GAD2: variants seen among roughly 807,000 people sequenced by gnomAD.
GAD2 encodes the protein glutamate decarboxylase 2.
Under a neutral mutation model 80.1 loss-of-function variants are expected in GAD2, and 22 were observed. That is an observed-to-expected ratio of 0.27 (90% CI 0.20 to 0.39). GAD2 has a LOEUF of 0.39. Among genes scored for constraint, GAD2 ranks in the 10% least tolerant of loss-of-function variants. The pLI, the probability that GAD2 is intolerant of heterozygous loss-of-function variation, is 1.00. For missense variants in GAD2, 624 were observed against 738.4 expected, an observed-to-expected ratio of 0.85 and a Z score of 1.80; for synonymous variants, 274 against 256.9, an observed-to-expected ratio of 1.07 and a Z score of -0.64.
intron 11 of GAD2, among the ~76,000 whole-genome samples, chr10:26,280,733 G>A (rs143213165): frequency 1.1e-3 from 165 of 152,132 alleles, no homozygotes; most frequent in African/African-American, 3.9e-3. Flanking sequence ...ATGGGATGGG[G>A]GTGAGGGTTG....
rs1198171592 is a variant in GAD2 at position 26,223,940 on chromosome 10, G to A, written c.574G>A (p.Ala192Thr). ...LSTGLDMVGL[A>T]ADWLTSTANT... ...TACTGGTTTGGATATGGTTGGATTA[G>A]CAGCAGACTGGCTGACATCAACAGC... The change falls in exon 5 of 16, where the codon GCA becomes ACA. Residue 192 changes from alanine to threonine, a missense_variant. Ala to Thr is a moderately conservative substitution (Grantham distance 58). Transcript: ENST00000376261. The A allele has an allele frequency of 1.2e-6, 2 of 1,610,938 alleles. No individual in the cohort carries two copies. The highest frequency in any genetic ancestry group is 1.7e-6 in the Non-Finnish European group (2 of 1,179,058).
Position 26,286,507 on chromosome 10 carries a change from G to A in GAD2, c.1386+13G>A. The A allele has an allele frequency of 6.3e-7, 1 of 1,598,344 alleles. No homozygotes were observed. Among genetic ancestry groups the A allele is most frequent in the Non-Finnish European group, 8.5e-7 (1 of 1,175,566 alleles). ...GTGGAGGGCAAAGGTGAGTATGTAT[G>A]GACCAGCTAAATGTCAACTAAAAAC... On this transcript the variant is annotated intron_variant, in intron 13 of 15. Transcript: ENST00000376261.
intron 11 of GAD2, 45 bp downstream of exon 11, chr10:26,273,745 A>T (rs960629730): frequency 4.7e-6 from 7 of 1,501,502 alleles, no homozygotes; most frequent in Middle Eastern, 1.7e-4. Context: ...GTTAAAAGCT[A>T]ACTGTGAAAC....
At chr10:26,273,027 A>G (rs987588200) in intron 10 of GAD2, among the ~76,000 whole-genome samples, 1 of 152,248 alleles carries the variant, frequency 6.6e-6, no homozygotes, top group African/African-American at 2.4e-5. Context: ...CCATCTTGGC[A>G]TTCTATTTTT....
At chr10:26,254,725 T>A (rs1034279140) in intron 8 of GAD2, among the ~76,000 whole-genome samples, 1 of 152,198 alleles carries the variant, frequency 6.6e-6, no homozygotes, top group Non-Finnish European at 1.5e-5. Context: ...TTATTTTAAA[T>A]GCAGAGTGGG....
At chr10:26,229,938 T>C (rs1484887497) in intron 7 of GAD2, among the ~76,000 whole-genome samples, 161 bp downstream of exon 7, 1 of 152,178 alleles carries the variant, frequency 6.6e-6, no homozygotes, top group Non-Finnish European at 1.5e-5. Context: ...GGTGTCCTCC[T>C]TGACTCTTTG....
intron 8 of GAD2, among the ~76,000 whole-genome samples, chr10:26,247,873 G>A (rs1479884620): frequency 7.7e-6 from 1 of 129,160 alleles, no homozygotes; most frequent in African/African-American, 2.9e-5. Flanking sequence ...TCCAGCCTGG[G>A]CAACAAAGCA....
intron 8 of GAD2, among the ~76,000 whole-genome samples, chr10:26,264,061 A>G (rs558326957): frequency 4.6e-5 from 7 of 152,202 alleles, no homozygotes; most frequent in Admixed American, 2.0e-4. Context: ...TAACAACAAT[A>G]ACAATACTAC....
intron 8 of GAD2, among the ~76,000 whole-genome samples, chr10:26,251,530 G>A (rs1487103908): frequency 2.0e-5 from 3 of 152,194 alleles, no homozygotes; most frequent in Non-Finnish European, 4.4e-5. Flanking sequence ...AATGGGATAA[G>A]TCCAAAATAT....
In GAD2 at chr10:26,216,869, C is replaced by G; in HGVS notation, c.60C>G (p.Ser20=). 6.2e-7 allele frequency: 1 copy of G among 1,611,208 alleles called. No individual in the cohort carries two copies. Among genetic ancestry groups the G allele is most frequent in the Non-Finnish European group, 8.5e-7 (1 of 1,178,862 alleles). ...GGTCGGAAGATGGCTCTGGGGATTCCGAGAATCCCGGCACAGGTAGGAAGG... is the reference window on the plus strand; with the variant it reads ...GGTCGGAAGATGGCTCTGGGGATTCGGAGAATCCCGGCACAGGTAGGAAGG... ...SFGSEDGSGD[S]ENPGTARAWC... Residue 20 remains serine, a synonymous_variant, in exon 1 of 16, where the codon TCC becomes TCG. Coordinates refer to ENST00000376261, the MANE Select transcript of GAD2 (RefSeq NM_001134366.2). The surrounding 1 kb of genome is among the most constrained non-coding windows in gnomAD (Gnocchi z 4.7).
intron 15 of GAD2, among the ~76,000 whole-genome samples, chr10:26,297,833 T>A (rs905749866): frequency 2.0e-5 from 3 of 152,190 alleles, no homozygotes; most frequent in African/African-American, 4.8e-5. Flanking sequence ...AGTAGAGTCA[T>A]ACATATTCAG....
chr10:26,283,904 A>G (rs1845300519), intron 12 of GAD2, among the ~76,000 whole-genome samples: 1 of 152,222 alleles, frequency 6.6e-6, no homozygotes, highest in African/African-American at 2.4e-5. Context: ...GAGCTGGTTT[A>G]GTAACACCAG....
Position 26,219,043 on chromosome 10 carries a change from A to G in GAD2, c.287A>G (p.Asp96Gly). The G allele has an allele frequency of 6.4e-7, 1 of 1,572,692 alleles. No individual in the cohort carries two copies. Among genetic ancestry groups the G allele is most frequent in the East Asian group, 2.3e-5 (1 of 43,872 alleles). ...DVNYAFLHAT[D>G]LLPACDGERP... The stretch of plus-strand genomic sequence containing the variant: ...GTGGCATTTTAATTTCATTCTTTAG[A>G]CCTGCTGCCGGCGTGTGATGGAGAA... Residue 96 changes from aspartate (D) to glycine (G), a missense_variant and splice_region_variant, in exon 4 of 16, where the codon GAC (aspartate) becomes GGC (glycine). Coordinates refer to ENST00000376261, the MANE Select transcript of GAD2 (RefSeq NM_001134366.2).
chr10:26,240,463 T>A (rs528439512), intron 7 of GAD2, among the ~76,000 whole-genome samples: 1 of 152,182 alleles, frequency 6.6e-6, no homozygotes, highest in Non-Finnish European at 1.5e-5. Flanking sequence ...TACATATATT[T>A]TTTTAATAGA....
chr10:26,237,135 C>T (rs1844682702), intron 7 of GAD2, among the ~76,000 whole-genome samples: 1 of 152,162 alleles, frequency 6.6e-6, no homozygotes, highest in South Asian at 2.1e-4. Context: ...GGGCAGAACA[C>T]ACCCAGTGCC....
intron 8 of GAD2, among the ~76,000 whole-genome samples, chr10:26,256,042 C>T (rs1450936203): frequency 6.6e-6 from 1 of 152,062 alleles, no homozygotes; most frequent in African/African-American, 2.4e-5. Flanking sequence ...CTTTTTTTTA[C>T]ATTGTATTAT....
At chr10:26,265,945 A>C (rs1211888539) in intron 8 of GAD2, among the ~76,000 whole-genome samples, 1 of 152,250 alleles carries the variant, frequency 6.6e-6, no homozygotes, top group East Asian at 1.9e-4. Context: ...ACTGCCCTGC[A>C]GCCCTGAAGG....
rs767608100 is a variant in GAD2, at chr10:26,269,110, T to C, written c.921-9T>C. On this transcript the variant is annotated splice_polypyrimidine_tract_variant and intron_variant, in intron 8 of 15. Coordinates refer to ENST00000376261, the MANE Select transcript of GAD2 (RefSeq NM_001134366.2). ...TTCAAAGCAAATCTATATTTCTTTT[T>C]CCTTCCAGAGGGAAAATGATTCCAT... 2 of 1,585,860 alleles carry C rather than the reference T, an allele frequency of 1.3e-6. No individual in the cohort carries two copies. Among genetic ancestry groups the C allele is most frequent in the South Asian group, 2.4e-5 (2 of 84,876 alleles).
chr10:26,224,587 A>G lies in GAD2; in HGVS notation c.660A>G (p.Thr220=). The stretch of plus-strand genomic sequence containing the variant: ...TATTTGTGCTTTTGGAATATGTCAC[A>G]CTAAAGAAAATGAGAGAAATCATTG... ...APVFVLLEYV[T]LKKMREIIGW... Residue 220 remains threonine, a synonymous_variant, in exon 6 of 16, where the codon ACA becomes ACG. Coordinates refer to ENST00000376261, the MANE Select transcript of GAD2 (RefSeq NM_001134366.2). 2 of 1,614,096 alleles carry G rather than the reference A, an allele frequency of 1.2e-6. No homozygotes were observed. Among genetic ancestry groups the G allele is most frequent in the Non-Finnish European group, 1.7e-6 (2 of 1,179,926 alleles).
Sources: allele counts gnomAD v4.1 joint callset (sites outside exome capture counted in the v4.1 genomes callset), GRCh38; gene constraint gnomAD v4.1.1; non-coding constraint Gnocchi (gnomAD v3.1); transcripts MANE v1.5; gene names NCBI Gene and HGNC (gene_info 2026-07-23, HGNC 2026-07-21).